Variants in SLC6A11 observed in about 807,000 individuals in gnomAD.
SLC6A11 encodes sodium- and chloride-dependent GABA transporter 3.
SLC6A11 carries 25 observed loss-of-function variants against 74.8 expected under a neutral mutation model. That is an observed-to-expected ratio of 0.33 (90% confidence interval 0.24 to 0.47). SLC6A11 has a LOEUF of 0.47. SLC6A11 is among the 20% of genes least tolerant of loss of function. SLC6A11 has a pLI of 1.00. For missense variants in SLC6A11, 574 were observed against 837.0 expected (o/e 0.69, Z 3.88); for synonymous variants, 330 against 330.2 (o/e 1.00, Z 0.01).
At chr3:10,930,968 C>T (rs1253370939) in intron 10 of SLC6A11, among the ~76,000 whole-genome samples, 1 of 152,214 alleles carries the variant, frequency 6.6e-6, no homozygotes. Context: ...TGGAGAAGTT[C>T]AAATTGCCAA....
chr3:10,838,770 T>C (rs1430705767), intron 4 of SLC6A11, among the ~76,000 whole-genome samples: 1 of 152,208 alleles, frequency 6.6e-6, no homozygotes, highest in East Asian at 1.9e-4. Context: ...ATATATCAAT[T>C]TGGGCAAGTT....
At chr3:10,864,428 A>G (rs1015754773) in intron 5 of SLC6A11, among the ~76,000 whole-genome samples, 1 of 151,476 alleles carries the variant, frequency 6.6e-6, no homozygotes, top group African/African-American at 2.4e-5. Flanking sequence ...GCAACCATGT[A>G]CCCCTCAATG....
chr3:10,893,873 G>C (rs2629133), intron 6 of SLC6A11, among the ~76,000 whole-genome samples: 28,203 of 152,090 alleles, frequency 0.19, 3,241 homozygotes, highest in Middle Eastern at 0.29. Context: ...GTACACTTCA[G>C]CCTTAAGTAC....
At chr3:10,905,760 G>A (rs1205420907) in intron 6 of SLC6A11, among the ~76,000 whole-genome samples, 1 of 152,134 alleles carries the variant, frequency 6.6e-6, no homozygotes, top group Admixed American at 6.5e-5. Flanking sequence ...TCCATGTAAA[G>A]ACATCCCATG....
At chr3:10,864,406 C>T (rs750805097) in intron 5 of SLC6A11, among the ~76,000 whole-genome samples, 6 of 151,766 alleles carry the variant, frequency 4.0e-5, no homozygotes, top group East Asian at 2.0e-4. Flanking sequence ...AGTAACTGCG[C>T]GTGAGCCCCT....
At chr3:10,876,231 A>G (rs1165576628) in intron 6 of SLC6A11, among the ~76,000 whole-genome samples, 2 of 152,182 alleles carry the variant, frequency 1.3e-5, no homozygotes, top group Non-Finnish European at 2.9e-5. Context: ...TCAGTTTGCC[A>G]TGCCTTGCAG....
chr3:10,919,098 T>C (rs1242989436), intron 8 of SLC6A11, among the ~76,000 whole-genome samples: 2 of 152,042 alleles, frequency 1.3e-5, no homozygotes, highest in African/African-American at 4.8e-5. Flanking sequence ...TCTCCCTCCC[T>C]CCCTTTCCCT....
At chr3:10,870,784 C>A (rs898564899) in intron 5 of SLC6A11, among the ~76,000 whole-genome samples, 4 of 152,174 alleles carry the variant, frequency 2.6e-5, no homozygotes, top group Non-Finnish European at 2.9e-5. Flanking sequence ...TCTAAGCCAC[C>A]TTTTGTACCC....
chr3:10,913,079 G>T (rs1695409333), intron 7 of SLC6A11, among the ~76,000 whole-genome samples: 3 of 144,506 alleles, frequency 2.1e-5, no homozygotes. Context: ...TTTAACAAAT[G>T]GTTCTGAGAT....
intron 4 of SLC6A11, among the ~76,000 whole-genome samples, chr3:10,837,423 A>G (rs907844045): frequency 3.9e-5 from 6 of 152,106 alleles, no homozygotes; most frequent in Non-Finnish European, 8.8e-5. Context: ...ACAATTCCCC[A>G]TCTTTCCCAA....
Position 10,816,440 on chromosome 3 carries a change from T to G in SLC6A11, c.175T>G (p.Phe59Val). The G allele has an allele frequency of 6.2e-7, 1 of 1,602,186 alleles. No individual in the cohort carries two copies. Among genetic ancestry groups the G allele is most frequent in the East Asian group, 2.3e-5 (1 of 43,600 alleles). ...CGGCCACTGGAACAACAAGGTGGAG[T>G]TCGTGCTGAGCGTGGCCGGGGAGAT... ...ERGHWNNKVE[F>V]VLSVAGEIIG... is the part of the protein sequence containing the mutation. Residue 59 changes from phenylalanine to valine, a missense_variant, in exon 1 of 14, where the codon TTC becomes GTC. This residue lies in a region of SLC6A11 where 215 missense variants were observed against 357.9 expected (regional missense o/e 0.60). Coordinates refer to ENST00000254488, the MANE Select transcript of SLC6A11 (RefSeq NM_014229.3). This position sits in a 1 kb window ranked among gnomAD's most constrained non-coding sequence, Gnocchi z 4.2.
intron 5 of SLC6A11, among the ~76,000 whole-genome samples, chr3:10,861,237 C>T (rs927047433): frequency 3.9e-5 from 6 of 152,250 alleles, no homozygotes; most frequent in East Asian, 1.9e-4. Context: ...ATGAAGAGGC[C>T]GGGCATGGTG....
At chr3:10,874,887 G>A (rs998832368) in intron 5 of SLC6A11, 74 bp from the exon 6 acceptor site, 10 of 1,453,410 alleles carry the variant, frequency 6.9e-6, no homozygotes, top group Non-Finnish European at 9.3e-6. Context: ...TGCACCCAAA[G>A]GACATTGTGC....
chr3:10,900,019 G>T (rs922631888), intron 6 of SLC6A11, among the ~76,000 whole-genome samples: 1 of 152,222 alleles, frequency 6.6e-6, no homozygotes, highest in Non-Finnish European at 1.5e-5. Flanking sequence ...TACACTGAAG[G>T]CAGAAGAGTG....
At chr3:10,896,203 CAG>C (rs1174259914) in intron 6 of SLC6A11, among the ~76,000 whole-genome samples, 7 of 152,224 alleles carry the variant, frequency 4.6e-5, no homozygotes. Flanking sequence ...AGGAGACAGT[CAG>C]GGCCTCTGAG....
chr3:10,818,056 A>G (rs1183854281), intron 1 of SLC6A11, among the ~76,000 whole-genome samples: 1 of 149,232 alleles, frequency 6.7e-6, no homozygotes, highest in Non-Finnish European at 1.5e-5. Flanking sequence ...TTAATTACAA[A>G]TTCTGTCACA....
At chr3:10,914,096 G>A (rs1559581115) in intron 7 of SLC6A11, among the ~76,000 whole-genome samples, 1 of 152,208 alleles carries the variant, frequency 6.6e-6, no homozygotes, top group Admixed American at 6.5e-5. Flanking sequence ...ACAGGAACTT[G>A]GAATTAACCA....
intron 10 of SLC6A11, among the ~76,000 whole-genome samples, chr3:10,931,269 A>G (rs543658074): frequency 6.6e-6 from 1 of 152,314 alleles, no homozygotes; most frequent in Admixed American, 6.5e-5. Flanking sequence ...TAATTGTACC[A>G]TGAAGGACCA....
At chr3:10,872,849 G>A (rs181532927) in intron 5 of SLC6A11, among the ~76,000 whole-genome samples, 1 of 152,320 alleles carries the variant, frequency 6.6e-6, no homozygotes. Flanking sequence ...TGGGAAATTG[G>A]AGTCTCTGAA....
Sources: gnomAD v4.1 joint callset for allele counts (sites outside exome capture counted in the v4.1 genomes callset) on GRCh38, gnomAD v4.1.1 for gene constraint, gnomAD v4.1.1 regional missense constraint, Gnocchi (gnomAD v3.1) non-coding constraint, MANE v1.5 for transcripts, NCBI Gene and HGNC (gene_info 2026-07-23, HGNC 2026-07-21) for gene names.